The following ITGBL1 variants were observed in gnomAD, a reference collection of about 807,000 sequenced individuals.
ITGBL1 encodes integrin beta-like protein 1.
A neutral mutation model predicts 68.5 loss-of-function variants in ITGBL1; 51 were observed. That is an observed-to-expected ratio of 0.74 (90% CI 0.59 to 0.94). The LOEUF is 0.94. ITGBL1 is among the 40% of genes least tolerant of loss of function. The pLI, the probability that ITGBL1 is intolerant of heterozygous loss-of-function variation, is 0.00. For synonymous variants in ITGBL1, 209 were observed against 227.3 expected, an observed-to-expected ratio of 0.92 and a Z score of 0.72; for missense variants, 649 against 647.4, an observed-to-expected ratio of 1.00 and a Z score of -0.03.
Position 101,579,274 on chromosome 13 carries a change from A to C in ITGBL1, c.587-13A>C. 1 of 1,611,072 alleles carries C rather than the reference A, an allele frequency of 6.2e-7. No homozygotes were observed. Among genetic ancestry groups the C allele is most frequent in the Non-Finnish European group, 8.5e-7 (1 of 1,178,128 alleles). ...CTTTTTTCCTCACTGTATAAAATTC[A>C]TTTTGGGTAAAGGCCATGGGAAGTG... On this transcript the variant is annotated splice_polypyrimidine_tract_variant and intron_variant, in intron 4 of 10. Coordinates refer to ENST00000376180, the MANE Select transcript of ITGBL1 (RefSeq NM_004791.3).
chr13:101,513,051 T>C (rs774068862), intron 2 of ITGBL1, among the ~76,000 whole-genome samples: 11 of 152,060 alleles, frequency 7.2e-5, no homozygotes, highest in Non-Finnish European at 1.2e-4. Context: ...GAACTATGGG[T>C]CCACCTATTT....
chr13:101,696,651 C>T (rs1339426645), intron 8 of ITGBL1, among the ~76,000 whole-genome samples: 1 of 152,138 alleles, frequency 6.6e-6, no homozygotes, highest in African/African-American at 2.4e-5. Flanking sequence ...CTCTATACCG[C>T]ACCACCTGCA....
At chr13:101,681,969 C>A (rs1399055715) in intron 7 of ITGBL1, among the ~76,000 whole-genome samples, 9 of 152,168 alleles carry the variant, frequency 5.9e-5, no homozygotes, top group African/African-American at 2.2e-4. Flanking sequence ...ATTTCACAAT[C>A]TTTACCTTAT....
At chr13:101,536,062 TTA>T (rs767195704) in intron 2 of ITGBL1, among the ~76,000 whole-genome samples, 2 of 151,914 alleles carry the variant, frequency 1.3e-5, no homozygotes, top group Non-Finnish European at 2.9e-5. Flanking sequence ...TCTTTTTTTT[TTA>T]AATTATACTT....
At chr13:101,586,521 G>C (rs1471199669) in intron 6 of ITGBL1, among the ~76,000 whole-genome samples, 1 of 152,124 alleles carries the variant, frequency 6.6e-6, no homozygotes, top group African/African-American at 2.4e-5. Flanking sequence ...CACTAACTCA[G>C]AGAGGGAGGC....
intron 7 of ITGBL1, among the ~76,000 whole-genome samples, chr13:101,679,746 T>G (rs2033596734): frequency 6.6e-6 from 1 of 152,236 alleles, no homozygotes; most frequent in South Asian, 2.1e-4. Context: ...GTTCAAATAA[T>G]GAGATAATCT....
At chr13:101,626,675 G>A (rs575173523) in intron 7 of ITGBL1, among the ~76,000 whole-genome samples, 13 of 152,080 alleles carry the variant, frequency 8.5e-5, no homozygotes, top group Admixed American at 8.5e-4. Flanking sequence ...TTAAAATCCA[G>A]CTGCACACAT....
intron 2 of ITGBL1, among the ~76,000 whole-genome samples, chr13:101,457,882 A>G (rs2048266702): frequency 6.6e-6 from 1 of 152,216 alleles, no homozygotes; most frequent in Non-Finnish European, 1.5e-5. Context: ...CTTTCAGTTG[A>G]TATTTCTAAA....
At chr13:101,458,811 ATAGTTT>A (rs2048279932) in intron 2 of ITGBL1, among the ~76,000 whole-genome samples, 1 of 152,178 alleles carries the variant, frequency 6.6e-6, no homozygotes, top group Admixed American at 6.5e-5. Flanking sequence ...TATTTTCTGA[ATAGTTT>A]TAATCTGCCA....
intron 7 of ITGBL1, among the ~76,000 whole-genome samples, chr13:101,639,056 A>G (rs1183429939): frequency 2.0e-5 from 3 of 152,198 alleles, no homozygotes; most frequent in African/African-American, 4.8e-5. Context: ...GCTTACAAGC[A>G]TATGGTTTTC....
At chr13:101,543,371 T>C (rs2049749669) in intron 2 of ITGBL1, among the ~76,000 whole-genome samples, 1 of 152,214 alleles carries the variant, frequency 6.6e-6, no homozygotes, top group Non-Finnish European at 1.5e-5. Context: ...TCTTTACGAA[T>C]GTTGAATATT....
intron 7 of ITGBL1, among the ~76,000 whole-genome samples, chr13:101,667,746 GTA>G (rs2033257376): frequency 6.6e-6 from 1 of 152,060 alleles, no homozygotes. Context: ...ATCTTTGTGT[GTA>G]TATGTGTTTA....
chr13:101,474,855 G>A (rs2048513392), intron 2 of ITGBL1, among the ~76,000 whole-genome samples: 1 of 152,098 alleles, frequency 6.6e-6, no homozygotes, highest in Non-Finnish European at 1.5e-5. Context: ...TAAGAATCAC[G>A]GCATTACTGG....
Position 101,598,228 on chromosome 13 carries a change from C to G in ITGBL1, c.944C>G (p.Ser315Cys). 3 of 1,613,872 alleles carry G rather than the reference C, an allele frequency of 1.9e-6. No individual in the cohort carries two copies. The highest frequency in any genetic ancestry group is 8.5e-7 in the Non-Finnish European group (1 of 1,179,906). The stretch of plus-strand genomic sequence containing the variant: ...GGGAAGAAGTGTGAGCACCCACAGT[C>G]CTGCACGCTGTCAGCTGAGGAGAGC... Reference protein sequence around the residue: ...WYGKKCEHPQSCTLSAEESIR... With the variant: ...WYGKKCEHPQCCTLSAEESIR... Residue 315 changes from serine to cysteine, a missense_variant, in exon 7 of 11, where the codon TCC (serine) becomes TGC (cysteine). Coordinates refer to ENST00000376180, the MANE Select transcript of ITGBL1 (RefSeq NM_004791.3).
intron 9 of ITGBL1, 32 bp from the exon 10 acceptor site, chr13:101,714,406 G>A (rs776292324): frequency 1.5e-5 from 18 of 1,196,498 alleles, no homozygotes; most frequent in Non-Finnish European, 2.1e-5. Flanking sequence ...TAGTTATAAG[G>A]TGATGGTGAG....
At chr13:101,594,537 G>T (rs2050710872) in intron 6 of ITGBL1, among the ~76,000 whole-genome samples, 2 of 150,068 alleles carry the variant, frequency 1.3e-5, no homozygotes, top group Admixed American at 6.6e-5. Context: ...ATTTTTTTTT[G>T]GATATAACAC....
intron 2 of ITGBL1, among the ~76,000 whole-genome samples, chr13:101,550,663 T>C (rs2049906314): frequency 6.6e-6 from 1 of 152,152 alleles, no homozygotes; most frequent in Non-Finnish European, 1.5e-5. Flanking sequence ...AGATATATTG[T>C]AGGTGGAAAA....
chr13:101,648,221 A>G lies in ITGBL1; in HGVS notation c.1016-44364A>G, dbSNP rs1424124592. 3.3e-5 allele frequency among the ~76,000 whole-genome samples: 5 copies of G among 152,362 alleles called. No homozygotes were observed. The South Asian group carries it at 6.2e-4, about 19-fold the overall frequency. On this transcript the variant is annotated intron_variant, in intron 7 of 10. Transcript: ENST00000376180. ...AAACAAAACAAATAAGCAGACAACA[A>G]CAAACTAGGACTGTTAGGAAATACA...
chr13:101,523,359 C>T (rs1015353804), intron 2 of ITGBL1, among the ~76,000 whole-genome samples: 3 of 152,166 alleles, frequency 2.0e-5, no homozygotes, highest in Non-Finnish European at 4.4e-5. Flanking sequence ...TGAGAGTCCG[C>T]CTCCAAGTTG....
Sources: gnomAD v4.1 joint callset for allele counts (sites outside exome capture counted in the v4.1 genomes callset) on GRCh38, gnomAD v4.1.1 for gene constraint, MANE v1.5 for transcripts, NCBI Gene and HGNC (gene_info 2026-07-23, HGNC 2026-07-21) for gene names.